SNTB1: variants seen among roughly 807,000 people sequenced by gnomAD.
The protein encoded by SNTB1 is beta-1-syntrophin.
In SNTB1, 36 loss-of-function variants were observed where a neutral mutation model predicts 48.9. That is an observed-to-expected ratio of 0.74 (90% CI 0.56 to 0.97). SNTB1 has a LOEUF of 0.97. Among genes scored for constraint, SNTB1 ranks in the 50% least tolerant of loss-of-function variants. The pLI, the probability that SNTB1 is intolerant of heterozygous loss-of-function variation, is 0.00. For synonymous variants in SNTB1, 299 were observed against 294.6 expected (o/e 1.01, Z -0.15); for missense variants, 786 against 703.4 (o/e 1.12, Z -1.33).
At chr8:120,793,339 G>A (rs1004309150) in intron 1 of SNTB1, among the ~76,000 whole-genome samples, 1 of 152,114 alleles carries the variant, frequency 6.6e-6, no homozygotes, top group South Asian at 2.1e-4. Flanking sequence ...CAAAGGCACA[G>A]TGATGAAGAA....
intron 1 of SNTB1, among the ~76,000 whole-genome samples, chr8:120,765,120 G>A (rs1819497522): frequency 2.0e-5 from 3 of 152,140 alleles, no homozygotes; most frequent in Admixed American, 6.6e-5. Flanking sequence ...AGCTACTCAG[G>A]AAACTGAGGC....
chr8:120,800,735 A>C (rs1820211998), intron 1 of SNTB1, among the ~76,000 whole-genome samples: 1 of 152,108 alleles, frequency 6.6e-6, no homozygotes, highest in African/African-American at 2.4e-5. Flanking sequence ...TAAGTACAAA[A>C]AAACTAAGCA....
At chr8:120,541,696 G>T in intron 6 of SNTB1, 114 bp downstream of exon 6, 1 of 631,006 alleles carries the variant, frequency 1.6e-6, no homozygotes, top group Non-Finnish European at 2.5e-6. Context: ...ATAAAACATG[G>T]GCTTGCAAGC....
Position 120,796,310 on chromosome 8 carries a change from T to C in SNTB1, c.571+14963A>G, listed in dbSNP as rs779481838. On this transcript the variant is annotated intron_variant, in intron 1 of 6. Transcript: ENST00000517992. Reference sequence around the variant, plus strand: ...TCTTTATAAATTACCCAGTTTCAGGTATTTGTTTATAGCAGTGCGAGAGTG... The same window carrying C: ...TCTTTATAAATTACCCAGTTTCAGGCATTTGTTTATAGCAGTGCGAGAGTG... 1.1e-3 allele frequency among the ~76,000 whole-genome samples: 162 copies of C among 152,142 alleles called. 1 individual carries two copies. The highest frequency in any genetic ancestry group is 1.5e-3 in the Non-Finnish European group (101 of 67,966).
intron 2 of SNTB1, among the ~76,000 whole-genome samples, chr8:120,690,104 C>G (rs1412874410): frequency 6.6e-6 from 1 of 151,956 alleles, no homozygotes; most frequent in Non-Finnish European, 1.5e-5. Context: ...TTTTGAGAGA[C>G]AGAGAGACCA....
At chr8:120,721,733 T>C (rs1185142219) in intron 1 of SNTB1, among the ~76,000 whole-genome samples, 1 of 152,200 alleles carries the variant, frequency 6.6e-6, no homozygotes, top group Non-Finnish European at 1.5e-5. Flanking sequence ...ATTTTTTTCA[T>C]TTTTAAATTA....
chr8:120,633,781 G>A (rs1160160626), intron 2 of SNTB1, among the ~76,000 whole-genome samples: 1 of 152,118 alleles, frequency 6.6e-6, no homozygotes, highest in Non-Finnish European at 1.5e-5. Context: ...TTATTTTGAA[G>A]TAGTTGTAGA....
intron 1 of SNTB1, among the ~76,000 whole-genome samples, chr8:120,722,492 A>G (rs961369013): frequency 3.9e-5 from 6 of 152,138 alleles, no homozygotes; most frequent in African/African-American, 1.4e-4. Flanking sequence ...TTCTCTGATG[A>G]CCAGTGACGA....
At chr8:120,546,917 A>G (rs1245401354) in intron 5 of SNTB1, among the ~76,000 whole-genome samples, 1 of 152,256 alleles carries the variant, frequency 6.6e-6, no homozygotes, top group Non-Finnish European at 1.5e-5. Context: ...CAGCCTGAGC[A>G]GAACTGATTT....
chr8:120,795,111 C>T (rs892439315), intron 1 of SNTB1, among the ~76,000 whole-genome samples: 1 of 151,876 alleles, frequency 6.6e-6, no homozygotes, highest in Non-Finnish European at 1.5e-5. Context: ...TTGGGAAATA[C>T]TTATACATTT....
chr8:120,589,117 G>A (rs76983256), intron 3 of SNTB1, among the ~76,000 whole-genome samples: 1 of 152,034 alleles, frequency 6.6e-6, no homozygotes, highest in Non-Finnish European at 1.5e-5. Flanking sequence ...CTACACATCT[G>A]TATTTATACA....
At chr8:120,694,165 C>A (rs6469946) in intron 1 of SNTB1, among the ~76,000 whole-genome samples, 17,510 of 152,090 alleles carry the variant, frequency 0.12, 2,142 homozygotes, top group African/African-American at 0.3. Context: ...TCAACTGTGA[C>A]AACTTTTGCA....
chr8:120,566,990 G>A (rs1287261492), intron 4 of SNTB1, among the ~76,000 whole-genome samples: 1 of 152,172 alleles, frequency 6.6e-6, no homozygotes, highest in Non-Finnish European at 1.5e-5. Flanking sequence ...TAGGAAATAA[G>A]GACATGCTCT....
At chr8:120,659,509 G>C (rs980431424) in intron 2 of SNTB1, among the ~76,000 whole-genome samples, 2 of 152,094 alleles carry the variant, frequency 1.3e-5, no homozygotes, top group Non-Finnish European at 2.9e-5. Flanking sequence ...GAAGTCTTCA[G>C]AGTTACCCAT....
chr8:120,546,005 A>C (rs1252377041), intron 5 of SNTB1, among the ~76,000 whole-genome samples: 1 of 152,214 alleles, frequency 6.6e-6, no homozygotes, highest in African/African-American at 2.4e-5. Flanking sequence ...GTGATTATGA[A>C]AGAAATAGAA....
chr8:120,721,107 A>T (rs760755617), intron 1 of SNTB1, among the ~76,000 whole-genome samples: 1 of 152,140 alleles, frequency 6.6e-6, no homozygotes, highest in Non-Finnish European at 1.5e-5. Context: ...TTCCTAGCTG[A>T]ATTTCAGAAA....
At chr8:120,566,651 C>T (rs1815753555) in intron 4 of SNTB1, among the ~76,000 whole-genome samples, 1 of 152,208 alleles carries the variant, frequency 6.6e-6, no homozygotes, top group South Asian at 2.1e-4. Context: ...AGTTCTCAAA[C>T]TGTAGCCTGT....
chr8:120,655,223 T>A (rs773997733), intron 2 of SNTB1, among the ~76,000 whole-genome samples: 1 of 152,236 alleles, frequency 6.6e-6, no homozygotes, highest in Non-Finnish European at 1.5e-5. Flanking sequence ...ATGTCATTGA[T>A]GAAATGCTTC....
chr8:120,642,559 T>C (rs1284464351), intron 2 of SNTB1, among the ~76,000 whole-genome samples: 1 of 152,222 alleles, frequency 6.6e-6, no homozygotes, highest in East Asian at 1.9e-4. Flanking sequence ...AACAGGTGGC[T>C]TCTGGAGAGT....
Sources: gnomAD v4.1 joint callset for allele counts (sites outside exome capture counted in the v4.1 genomes callset) on GRCh38, gnomAD v4.1.1 for gene constraint, MANE v1.5 for transcripts, NCBI Gene and HGNC (gene_info 2026-07-23, HGNC 2026-07-21) for gene names.